The following CHST12 variants were observed in gnomAD, a reference collection of about 807,000 sequenced individuals.
CHST12 encodes the protein carbohydrate sulfotransferase 12.
Under a neutral mutation model 27.9 loss-of-function variants are expected in CHST12, and 23 were observed. That is an observed-to-expected ratio of 0.82 (90% CI 0.59 to 1.17). The LOEUF (loss-of-function observed/expected upper bound fraction) is 1.17. CHST12 is among the 50% of genes most tolerant of loss of function. CHST12 has a pLI of 0.00. For synonymous variants in CHST12, 322 were observed against 273.0 expected (o/e 1.18, Z -1.77); for missense variants, 682 against 603.0 (o/e 1.13, Z -1.37).
intron 1 of CHST12, among the ~76,000 whole-genome samples, chr7:2,419,124 C>G (rs1195473890): frequency 6.6e-6 from 1 of 151,880 alleles, no homozygotes; most frequent in Non-Finnish European, 1.5e-5. Flanking sequence ...AAAATTAAAA[C>G]TTGGCTGGGC....
intron 1 of CHST12, among the ~76,000 whole-genome samples, chr7:2,405,895 G>T (rs550281304): frequency 6.6e-6 from 1 of 152,162 alleles, no homozygotes; most frequent in Non-Finnish European, 1.5e-5. Context: ...CCTGTACAAG[G>T]AGGGAATCCC....
intron 1 of CHST12, among the ~76,000 whole-genome samples, chr7:2,415,948 A>G (rs1039680467): frequency 3.3e-5 from 5 of 152,200 alleles, no homozygotes; most frequent in Non-Finnish European, 5.9e-5. Flanking sequence ...AGTGTGCTGC[A>G]TTTATTGACT....
At chr7:2,409,856 G>A (rs956238835) in intron 1 of CHST12, among the ~76,000 whole-genome samples, 1 of 152,190 alleles carries the variant, frequency 6.6e-6, no homozygotes, top group Non-Finnish European at 1.5e-5. Flanking sequence ...TTAACAGGGA[G>A]GGTTTCCTTG....
intron 1 of CHST12, among the ~76,000 whole-genome samples, chr7:2,424,547 A>G (rs1782056941): frequency 6.6e-6 from 1 of 152,094 alleles, no homozygotes. Context: ...AGGGTCTCCC[A>G]GTGCGAGACT....
At chr7:2,427,431 G>C (rs1782154084) in intron 1 of CHST12, among the ~76,000 whole-genome samples, 1 of 151,372 alleles carries the variant, frequency 6.6e-6, no homozygotes, top group Non-Finnish European at 1.5e-5. Context: ...AGCCTAGGAG[G>C]TCAAGGCTGC....
At chr7:2,418,060 A>G (rs1781856555) in intron 1 of CHST12, among the ~76,000 whole-genome samples, 1 of 152,248 alleles carries the variant, frequency 6.6e-6, no homozygotes, top group Admixed American at 6.5e-5. Context: ...AGCTAAGGCC[A>G]TAGCTGTCTG....
At chr7:2,415,558 A>G (rs979880165) in intron 1 of CHST12, among the ~76,000 whole-genome samples, 5 of 151,588 alleles carry the variant, frequency 3.3e-5, no homozygotes, top group Admixed American at 2.6e-4. Context: ...ATAGCTGCTG[A>G]TTGATCAGGG....
At chr7:2,427,110 G>A (rs1373737993) in intron 1 of CHST12, among the ~76,000 whole-genome samples, 2 of 150,950 alleles carry the variant, frequency 1.3e-5, no homozygotes, top group Non-Finnish European at 2.9e-5. Context: ...ACTTGAACCC[G>A]GGAGGCGGAG....
upstream of CHST12, chr7:2,403,538 G>C (rs997255909): frequency 1.3e-5 from 2 of 151,560 alleles, no homozygotes; most frequent in Non-Finnish European, 3.0e-5. Context: ...GACGTCTCGC[G>C]AGAAGACGAC....
At chr7:2,406,933 C>T (rs752881009) in intron 1 of CHST12, among the ~76,000 whole-genome samples, 1 of 151,352 alleles carries the variant, frequency 6.6e-6, no homozygotes, top group African/African-American at 2.4e-5. Context: ...AATGTCCACG[C>T]GGAGGTGAGC....
At chr7:2,421,320 A>G (rs542315403) in intron 1 of CHST12, among the ~76,000 whole-genome samples, 1 of 144,170 alleles carries the variant, frequency 6.9e-6, no homozygotes, top group African/African-American at 2.6e-5. Context: ...ATCATAGCTC[A>G]CTGCAGCCTC....
chr7:2,433,463 T>A lies in CHST12; in HGVS notation c.824T>A (p.Leu275Gln). The A allele has an allele frequency of 6.2e-7, 1 of 1,610,964 alleles. No individual in the cohort carries two copies. The highest frequency in any genetic ancestry group is 8.5e-7 in the Non-Finnish European group (1 of 1,179,930). ...EFYRKFAVPM[L>Q]RLYANHTSLP... Reference sequence around the variant, plus strand: ...TACCGCAAGTTCGCCGTGCCCATGCTGCGGCTGTACGCCAACCACACCAGC... The same window carrying A: ...TACCGCAAGTTCGCCGTGCCCATGCAGCGGCTGTACGCCAACCACACCAGC... The change falls in exon 2 of 2, where the codon CTG becomes CAG. Residue 275 changes from leucine to glutamine, a missense_variant. Coordinates refer to ENST00000618655, the MANE Select transcript of CHST12 (RefSeq NM_018641.5). The surrounding 1 kb of genome is among the most constrained non-coding windows in gnomAD (Gnocchi z 6.1).
intron 1 of CHST12, among the ~76,000 whole-genome samples, chr7:2,423,289 A>C (rs929426193): frequency 1.3e-5 from 2 of 152,072 alleles, no homozygotes; most frequent in Admixed American, 1.3e-4. Context: ...AATAAAAAAA[A>C]GTAGAAAAAT....
In CHST12 at chr7:2,433,950, G is replaced by C; in HGVS notation, c.*66G>C. On this transcript the variant is annotated 3_prime_UTR_variant, in exon 2 of 2. Transcript: ENST00000618655. This position sits in a 1 kb window ranked among gnomAD's most constrained non-coding sequence, Gnocchi z 6.1. ...CGCACGCGCACTCCAGTTTTTTTAT[G>C]ACCTACGATTTTGCAATCTGGGCTT... The C allele has an allele frequency of 1.4e-6, 2 of 1,424,388 alleles. No individual in the cohort carries two copies. Among genetic ancestry groups the C allele is most frequent in the Non-Finnish European group, 1.9e-6 (2 of 1,051,192 alleles). 88.2% of individuals were successfully genotyped at this position (1,424,388 alleles called of 1,614,324 possible). A position where few individuals can be genotyped will look rare whatever the true frequency, so the allele number is the denominator to read the frequency against.
chr7:2,445,866 T>C lies in CHST12; in HGVS notation c.*11982T>C, dbSNP rs1395853386. The C allele has an allele frequency of 6.6e-6, 1 of 152,162 alleles. No homozygotes were observed. Among genetic ancestry groups the C allele is most frequent in the Admixed American group, 6.5e-5 (1 of 15,274 alleles). 9.4% of individuals were successfully genotyped at this position (152,162 alleles called of 1,614,324 possible). ...ACAGCGCGTGTGAGAAAAGGCCTGT[T>C]GATGGGCACGCCAGGGTTTAATGGA... On this transcript the variant is annotated 3_prime_UTR_variant, in exon 2 of 2. Coordinates refer to ENST00000618655, the MANE Select transcript of CHST12 (RefSeq NM_018641.5).
intron 1 of CHST12, among the ~76,000 whole-genome samples, chr7:2,417,278 G>A (rs1781835945): frequency 6.7e-6 from 1 of 149,984 alleles, no homozygotes; most frequent in Non-Finnish European, 1.5e-5. Flanking sequence ...AGGCTAGAGT[G>A]CAGTGGCGTG....
At chr7:2,426,895 G>A (rs1782136675) in intron 1 of CHST12, among the ~76,000 whole-genome samples, 2 of 152,128 alleles carry the variant, frequency 1.3e-5, no homozygotes, top group African/African-American at 4.8e-5. Context: ...GGAGGCTGAG[G>A]CATGAGAATC....
At chr7:2,431,995 A>G (rs982315649) in intron 1 of CHST12, among the ~76,000 whole-genome samples, 1 of 151,958 alleles carries the variant, frequency 6.6e-6, no homozygotes, top group Non-Finnish European at 1.5e-5. Flanking sequence ...TCTTGTGGCT[A>G]TGGTTTATTA....
intron 1 of CHST12, among the ~76,000 whole-genome samples, chr7:2,425,691 C>CTTTTTTTTTTTTTTTTTTTTTTTTT (rs760502452): frequency 2.2e-5 from 3 of 137,870 alleles, no homozygotes; most frequent in African/African-American, 5.4e-5. Flanking sequence ...ACTGCATTTG[C>CTTTTTTTTTTTTTTTTTTTTTTTTT]TTTTTTTTTT....
Sources: allele counts gnomAD v4.1 joint callset (sites outside exome capture counted in the v4.1 genomes callset), GRCh38; gene constraint gnomAD v4.1.1; non-coding constraint Gnocchi (gnomAD v3.1); transcripts MANE v1.5; gene names NCBI Gene and HGNC (gene_info 2026-07-23, HGNC 2026-07-21).